Variants in LRRC37A2 observed in about 807,000 individuals in gnomAD.
LRRC37A2 encodes leucine rich repeat containing 37 member A2.
LRRC37A2 carries 9 observed loss-of-function variants against 68.8 expected under a neutral mutation model. The observed-to-expected ratio is 0.13, with a 90% CI of 0.08 to 0.23. The LOEUF (loss-of-function observed/expected upper bound fraction) is 0.23, where lower values mean the gene tolerates loss of function less well. Among genes scored for constraint, LRRC37A2 ranks in the 10% least tolerant of loss-of-function variants. The pLI is 1.00. For synonymous variants in LRRC37A2, 63 were observed against 367.6 expected, an observed-to-expected ratio of 0.17 and a Z score of 9.48; for missense variants, 168 against 950.4, an observed-to-expected ratio of 0.18 and a Z score of 10.82.
At chr17:46,978,359 C>T in the LRRC37A2 span, 1 of 445,052 alleles carries the variant, frequency 2.2e-6, no homozygotes, top group Non-Finnish European at 4.0e-6. Flanking sequence ...TACCCACTCC[C>T]ACCCTGCCCC....
chr17:46,707,966 G>A, the LRRC37A2 span, among the ~76,000 whole-genome samples: 1 of 151,570 alleles, frequency 6.6e-6, no homozygotes, highest in African/African-American at 2.4e-5. Flanking sequence ...CCGGGAGGTG[G>A]AGGTTGCAGT....
chr17:46,992,424 A>G, the LRRC37A2 span, among the ~76,000 whole-genome samples: 3 of 152,210 alleles, frequency 2.0e-5, no homozygotes. Context: ...TACTGAAACT[A>G]TCTGGGGGGT....
chr17:46,827,832 CAG>C, the LRRC37A2 span, among the ~76,000 whole-genome samples: 1 of 143,518 alleles, frequency 7.0e-6, no homozygotes, highest in African/African-American at 2.6e-5. Flanking sequence ...TTTTTTGAGG[CAG>C]AGTCTTGCTC....
At chr17:46,709,599 A>G in the LRRC37A2 span, among the ~76,000 whole-genome samples, 1 of 151,852 alleles carries the variant, frequency 6.6e-6, no homozygotes, top group Non-Finnish European at 1.5e-5. Flanking sequence ...GGTTCAAGCA[A>G]TTCTCCTACC....
chr17:46,945,246 T>A, the LRRC37A2 span, among the ~76,000 whole-genome samples: 1 of 152,170 alleles, frequency 6.6e-6, no homozygotes, highest in Non-Finnish European at 1.5e-5. Flanking sequence ...CACGACATCC[T>A]CCACGCACTG....
the LRRC37A2 span, among the ~76,000 whole-genome samples, chr17:46,720,074 T>C: frequency 6.6e-6 from 1 of 152,188 alleles, no homozygotes; most frequent in Non-Finnish European, 1.5e-5. Context: ...TCCTCCTCTT[T>C]TCATGGTTTA....
chr17:46,990,445 A>G, the LRRC37A2 span, among the ~76,000 whole-genome samples: 1 of 152,302 alleles, frequency 6.6e-6, no homozygotes, highest in Admixed American at 6.5e-5. Flanking sequence ...ATGTTGTTGA[A>G]AGCTTTGTTG....
the LRRC37A2 span, among the ~76,000 whole-genome samples, chr17:46,749,480 C>T: frequency 6.6e-6 from 1 of 152,212 alleles, no homozygotes; most frequent in Non-Finnish European, 1.5e-5. Context: ...GAATTACATA[C>T]ATACACGTCA....
At chr17:47,002,373 ATTATTT>A in the LRRC37A2 span, among the ~76,000 whole-genome samples, 1 of 73,986 alleles carries the variant, frequency 1.4e-5, no homozygotes, top group African/African-American at 4.4e-5. Flanking sequence ...TACACTCTTA[ATTATTT>A]TTATTTTTAT....
the LRRC37A2 span, among the ~76,000 whole-genome samples, chr17:46,820,413 C>A: frequency 6.6e-6 from 1 of 151,658 alleles, no homozygotes; most frequent in Non-Finnish European, 1.5e-5. Flanking sequence ...ATGAGAGAGA[C>A]GCTGAGACAG....
At chr17:46,534,672 A>G (rs9670921) in intron 6 of LRRC37A2, among the ~76,000 whole-genome samples, 141,990 of 148,730 alleles carry the variant, frequency 0.95, 68,553 homozygotes, top group East Asian at 1. Flanking sequence ...CAACAAAACC[A>G]CCATCGTCAT....
chr17:47,005,527 A>G, the LRRC37A2 span: 1 of 152,212 alleles, frequency 6.6e-6, no homozygotes, highest in South Asian at 2.1e-4. Flanking sequence ...GCAGATGCTC[A>G]TCGGATTCCT....
chr17:46,863,599 C>T, the LRRC37A2 span, among the ~76,000 whole-genome samples: 1 of 152,144 alleles, frequency 6.6e-6, no homozygotes, highest in African/African-American at 2.4e-5. Flanking sequence ...AACATCACAG[C>T]ATACTAGAGC....
At chr17:46,709,389 A>G in the LRRC37A2 span, among the ~76,000 whole-genome samples, 3 of 152,126 alleles carry the variant, frequency 2.0e-5, no homozygotes, top group African/African-American at 2.4e-5. Flanking sequence ...TACACGTTAT[A>G]TATCTTGGGA....
chr17:46,619,824 T>A, the LRRC37A2 span, among the ~76,000 whole-genome samples: 1 of 46,192 alleles, frequency 2.2e-5, no homozygotes, highest in Non-Finnish European at 4.0e-5. Flanking sequence ...TACATCATTA[T>A]TTAAAATCTT....
chr17:46,879,777 C>T, the LRRC37A2 span, among the ~76,000 whole-genome samples: 2 of 152,374 alleles, frequency 1.3e-5, no homozygotes, highest in South Asian at 4.1e-4. Flanking sequence ...CTCAGGGAAG[C>T]AGTTCCTTCC....
chr17:46,874,670 C>T, the LRRC37A2 span, among the ~76,000 whole-genome samples: 4 of 152,262 alleles, frequency 2.6e-5, no homozygotes, highest in East Asian at 3.9e-4. Context: ...CTCCACCTTC[C>T]GGGTTCAAGT....
the LRRC37A2 span, among the ~76,000 whole-genome samples, chr17:46,748,340 A>G: frequency 4.6e-5 from 7 of 152,072 alleles, no homozygotes; most frequent in Non-Finnish European, 5.9e-5. Flanking sequence ...CAAACTCCTG[A>G]ACCTCAGGTG....
At chr17:46,857,298 A>G in the LRRC37A2 span, among the ~76,000 whole-genome samples, 8 of 151,934 alleles carry the variant, frequency 5.3e-5, no homozygotes, top group Non-Finnish European at 8.8e-5. Context: ...GTGAAAACCC[A>G]TCTCTACTAA....
Sources: gnomAD v4.1 joint callset for allele counts (sites outside exome capture counted in the v4.1 genomes callset) on GRCh38, gnomAD v4.1.1 for gene constraint, MANE v1.5 for transcripts, NCBI Gene and HGNC (gene_info 2026-07-23, HGNC 2026-07-21) for gene names.